The following COLEC12 variants were observed in gnomAD, a reference collection of about 807,000 sequenced individuals.
COLEC12 encodes collectin subfamily member 12.
In COLEC12, 33 loss-of-function variants were observed where a neutral mutation model predicts 71.1. The ratio of observed to expected loss-of-function variants is 0.46; its 90% confidence interval spans 0.35 to 0.62. The LOEUF (loss-of-function observed/expected upper bound fraction) is 0.62. COLEC12 is among the 20% of genes least tolerant of loss of function. The pLI is 0.00. For synonymous variants in COLEC12, 350 were observed against 353.0 expected, an observed-to-expected ratio of 0.99 and a Z score of 0.10; for missense variants, 765 against 916.1, an observed-to-expected ratio of 0.84 and a Z score of 2.13.
chr18:400,708 T>C (rs1226979643), intron 2 of COLEC12, among the ~76,000 whole-genome samples: 4 of 152,226 alleles, frequency 2.6e-5, no homozygotes, highest in African/African-American at 9.6e-5. Flanking sequence ...TGTTGGAATG[T>C]GTCTTCAATC....
chr18:446,267 T>C (rs1025408248), intron 2 of COLEC12, among the ~76,000 whole-genome samples: 1 of 152,104 alleles, frequency 6.6e-6, no homozygotes, highest in African/African-American at 2.4e-5. Flanking sequence ...TGTGTGTGTG[T>C]GCACGTGTGC....
chr18:436,893 C>T (rs1282037520), intron 2 of COLEC12, among the ~76,000 whole-genome samples: 1 of 152,164 alleles, frequency 6.6e-6, no homozygotes, highest in East Asian at 1.9e-4. Flanking sequence ...ATACTTAACA[C>T]CTGCTCAAAA....
At chr18:352,203 T>G (rs891711501) in intron 3 of COLEC12, among the ~76,000 whole-genome samples, 3 of 152,214 alleles carry the variant, frequency 2.0e-5, no homozygotes, top group Non-Finnish European at 4.4e-5. Flanking sequence ...AATAAAATGT[T>G]GCATATGTGT....
At chr18:471,326 C>G (rs537266508) in intron 2 of COLEC12, among the ~76,000 whole-genome samples, 1 of 151,720 alleles carries the variant, frequency 6.6e-6, no homozygotes, top group African/African-American at 2.4e-5. Flanking sequence ...TTGGAACTTT[C>G]TCATTTTTTT....
At chr18:478,660 TC>T (rs1471324354) in intron 2 of COLEC12, among the ~76,000 whole-genome samples, 4 of 152,094 alleles carry the variant, frequency 2.6e-5, no homozygotes, top group African/African-American at 9.7e-5. Flanking sequence ...CAAAGACTCT[TC>T]CATCTGCAAA....
chr18:453,662 T>G (rs1484767858), intron 2 of COLEC12, among the ~76,000 whole-genome samples: 2 of 152,238 alleles, frequency 1.3e-5, no homozygotes, highest in African/African-American at 4.8e-5. Context: ...CTGGGCTCTA[T>G]GCTAAAGACT....
At chr18:356,956 G>A (rs1474226809) in intron 3 of COLEC12, among the ~76,000 whole-genome samples, 2 of 152,168 alleles carry the variant, frequency 1.3e-5, no homozygotes, top group Non-Finnish European at 2.9e-5. Flanking sequence ...GAGAAAAAAG[G>A]GAATTAGTTG....
At chr18:491,686 G>A (rs779003141) in intron 1 of COLEC12, among the ~76,000 whole-genome samples, 1 of 152,196 alleles carries the variant, frequency 6.6e-6, no homozygotes, top group Non-Finnish European at 1.5e-5. Context: ...GGACCAACAG[G>A]AAAGCTTGAT....
intron 2 of COLEC12, among the ~76,000 whole-genome samples, chr18:415,910 C>T (rs1405216730): frequency 6.6e-6 from 1 of 152,188 alleles, no homozygotes; most frequent in Non-Finnish European, 1.5e-5. Context: ...TGCACATCTG[C>T]CTTTCTTCAA....
chr18:371,369 G>A (rs1248402397), intron 2 of COLEC12, among the ~76,000 whole-genome samples: 2 of 152,106 alleles, frequency 1.3e-5, no homozygotes, highest in Admixed American at 1.3e-4. Context: ...CAATCTTCTT[G>A]ACTTTGAGCC....
At chr18:441,716 A>G (rs1354344087) in intron 2 of COLEC12, among the ~76,000 whole-genome samples, 1 of 152,124 alleles carries the variant, frequency 6.6e-6, no homozygotes, top group Non-Finnish European at 1.5e-5. Context: ...GAAACTGACC[A>G]GGCACAGTGT....
intron 2 of COLEC12, among the ~76,000 whole-genome samples, chr18:422,163 A>G (rs2846649): frequency 0.68 from 103,721 of 152,074 alleles, 36,282 homozygotes; most frequent in East Asian, 1. Context: ...CTTTTCAGTC[A>G]AGACATAAAC....
intron 8 of COLEC12, among the ~76,000 whole-genome samples, chr18:331,301 G>A (rs1287564125): frequency 1.3e-5 from 2 of 152,186 alleles, no homozygotes; most frequent in African/African-American, 2.4e-5. Context: ...TTGGAAACAC[G>A]CCTGGGGCGA....
At chr18:380,968 T>C (rs1471989193) in intron 2 of COLEC12, among the ~76,000 whole-genome samples, 1 of 152,184 alleles carries the variant, frequency 6.6e-6, no homozygotes, top group Non-Finnish European at 1.5e-5. Context: ...TGGTTCTATC[T>C]GGAGAGCCAT....
At chr18:479,500 C>A (rs1917369352) in intron 2 of COLEC12, among the ~76,000 whole-genome samples, 1 of 151,862 alleles carries the variant, frequency 6.6e-6, no homozygotes, top group Admixed American at 6.6e-5. Context: ...TTTTAAGCAA[C>A]AGGAAGTAGA....
intron 2 of COLEC12, among the ~76,000 whole-genome samples, chr18:359,288 G>C (rs1914693617): frequency 6.6e-6 from 1 of 152,156 alleles, no homozygotes. Context: ...CGCGAATTAG[G>C]ATGGCCCCCA....
intron 6 of COLEC12, 39 bp downstream of exon 6, chr18:334,703 T>C (rs753488691): frequency 3.5e-6 from 5 of 1,444,924 alleles, no homozygotes; most frequent in Admixed American, 2.8e-5. Flanking sequence ...GCACATGCAC[T>C]GCCCTGTCCC....
At chr18:460,226 ATTC>A (rs1344720819) in intron 2 of COLEC12, among the ~76,000 whole-genome samples, 1 of 152,034 alleles carries the variant, frequency 6.6e-6, no homozygotes. Context: ...CCTAAATTTT[ATTC>A]TTCTTCCGTG....
chr18:452,206 C>CAGA (rs1206245497), intron 2 of COLEC12, among the ~76,000 whole-genome samples: 2 of 152,174 alleles, frequency 1.3e-5, no homozygotes, highest in African/African-American at 4.8e-5. Flanking sequence ...TTGAATTGTG[C>CAGA]ACCTTGTGCT....
Sources: gnomAD v4.1 joint callset for allele counts (sites outside exome capture counted in the v4.1 genomes callset) on GRCh38, gnomAD v4.1.1 for gene constraint, MANE v1.5 for transcripts, NCBI Gene and HGNC (gene_info 2026-07-23, HGNC 2026-07-21) for gene names.